TMEM200C: variants seen among roughly 807,000 people sequenced by gnomAD.
The protein encoded by TMEM200C is transmembrane protein TTMA.
For missense variants in TMEM200C, 966 were observed against 699.9 expected (o/e 1.38, Z -4.29); for synonymous variants, 462 against 324.7 (o/e 1.42, Z -4.55).
chr18:5,891,258 G>A lies in TMEM200C; in HGVS notation c.806C>T (p.Ser269Phe). 1 of 1,395,126 alleles carries A rather than the reference G, an allele frequency of 7.2e-7. No homozygotes were observed. Among genetic ancestry groups the A allele is most frequent in the Non-Finnish European group, 9.3e-7 (1 of 1,070,636 alleles). The allele number at this position is 1,395,126 out of a possible 1,614,324, so 86.4% of individuals were successfully genotyped here. A position where few individuals can be genotyped will look rare whatever the true frequency, so the allele number is the denominator to read the frequency against. The change falls in exon 3 of 3, where the codon TCC (serine) becomes TTC (phenylalanine). Residue 269 changes from serine to phenylalanine, a missense_variant. Physicochemically the swap from Ser to Phe is radical, Grantham distance 155. Coordinates refer to ENST00000581347, the Ensembl canonical transcript of TMEM200C. This position sits in a 1 kb window ranked among gnomAD's most constrained non-coding sequence, Gnocchi z 4.7. ...CGCCGCCGCTCCGAAGGCGTCCCCGGAGCCACCGCAGCCCCCGGGCTTCAG... is the reference window on the plus strand; with the variant it reads ...CGCCGCCGCTCCGAAGGCGTCCCCGAAGCCACCGCAGCCCCCGGGCTTCAG...
At chr18:5,882,817 A>G (rs1201632965) in exon 3 of TMEM200C, 3 of 152,164 alleles carry the variant, frequency 2.0e-5, no homozygotes, top group African/African-American at 7.2e-5. Flanking sequence ...ATAAAACTAG[A>G]AATACAAAGA....
chr18:5,892,121 G>T (rs1431407429), exon 3 of TMEM200C: 2 of 1,489,590 alleles, frequency 1.3e-6, no homozygotes, highest in Non-Finnish European at 9.1e-7. Flanking sequence ...CAGGGAGGGC[G>T]CCAACTGCCC....
At chr18:5,890,045 G>T in exon 3 of TMEM200C, 1 of 654,312 alleles carries the variant, frequency 1.5e-6, no homozygotes, top group African/African-American at 1.8e-5. Context: ...GGAATCTTGT[G>T]GACGCAATTC....
rs1037657956 is a variant in TMEM200C at position 5,890,488 on chromosome 18, G to A, written c.1576C>T (p.Gln526Ter). 6.5e-7 allele frequency: 1 copy of A among 1,549,616 alleles called. No individual in the cohort carries two copies. Among genetic ancestry groups the A allele is most frequent in the East Asian group, 2.4e-5 (1 of 41,822 alleles). The change falls in exon 3 of 3, where the codon CAG becomes TAG. Residue 526 changes from glutamine to a stop codon, truncating the protein, a stop_gained. Coordinates refer to ENST00000581347, the Ensembl canonical transcript of TMEM200C. LOFTEE classifies it low-confidence loss of function (END_TRUNC). ...TTGCTGCTGGATGGGTCATCCGACT[G>A]GGAGCTCCCGGAGTCCCGCCTGGTG... is the stretch of plus-strand genomic sequence containing the variant.
exon 2 of TMEM200C, chr18:5,895,157 G>T (rs558984328): frequency 6.6e-6 from 1 of 151,998 alleles, no homozygotes; most frequent in African/African-American, 2.4e-5. Context: ...CCCCGCATCC[G>T]AGCGCGACTC....
At chr18:5,885,146 CA>C (rs1159919170) in exon 3 of TMEM200C, 1 of 152,056 alleles carries the variant, frequency 6.6e-6, no homozygotes, top group Non-Finnish European at 1.5e-5. Context: ...CTTTATGAAA[CA>C]AAAAGCTTCC....
At position 5,891,617 on chromosome 18, in the gene TMEM200C, C is replaced by T; in HGVS notation, c.447G>A (p.Val149=). 1 of 1,613,832 alleles carries T rather than the reference C, an allele frequency of 6.2e-7. No individual in the cohort carries two copies. Among genetic ancestry groups the T allele is most frequent in the Non-Finnish European group, 8.5e-7 (1 of 1,179,844 alleles). The change falls in exon 3 of 3, where the codon GTG becomes GTA. Residue 149 remains valine (V), a synonymous_variant. Coordinates refer to ENST00000581347, the Ensembl canonical transcript of TMEM200C. This position sits in a 1 kb window ranked among gnomAD's most constrained non-coding sequence, Gnocchi z 4.7. ...CAGAGAAGATGCGGAAGAAGAAGCC[C>T]ACGGACGTGGAGGAGGAGGACGGGG... is the stretch of plus-strand genomic sequence containing the variant.
rs1170073933 is a variant in TMEM200C at position 5,891,406 on chromosome 18, C to G, written c.658G>C (p.Ala220Pro). The G allele has an allele frequency of 1.5e-6, 2 of 1,375,986 alleles. No homozygotes were observed. The highest frequency in any genetic ancestry group is 1.9e-6 in the Non-Finnish European group (2 of 1,068,088). The allele number at this position is 1,375,986 out of a possible 1,614,324, so 85.2% of individuals were successfully genotyped here. Residue 220 changes from alanine (A) to proline (P), a missense_variant, in exon 3 of 3, where the codon GCC becomes CCC. Physicochemically the swap from Ala to Pro is conservative, Grantham distance 27. Transcript: ENST00000581347. This position sits in a 1 kb window ranked among gnomAD's most constrained non-coding sequence, Gnocchi z 4.7. Reference sequence around the variant, plus strand: ...GCGGCCGCGGCGGCGGCCGCGGCGGCCGCCAGGTCTTTGGCGCGGAGGCTG... The same window carrying G: ...GCGGCCGCGGCGGCGGCCGCGGCGGGCGCCAGGTCTTTGGCGCGGAGGCTG...
chr18:5,891,373 A>AGGCGGC lies in TMEM200C; in HGVS notation c.685_690dup (p.Ala229_Ala230dup). The AGGCGGC allele has an allele frequency of 7.5e-7, 1 of 1,340,880 alleles. No individual in the cohort carries two copies. The highest frequency in any genetic ancestry group is 9.5e-7 in the Non-Finnish European group (1 of 1,053,168). The allele number at this position is 1,340,880 out of a possible 1,614,324, so 83.1% of individuals were successfully genotyped here. On this transcript the variant is annotated inframe_insertion, in exon 3 of 3. Transcript: ENST00000581347. This position sits in a 1 kb window ranked among gnomAD's most constrained non-coding sequence, Gnocchi z 4.7. ...GCGGCGGGGGCAGACGACGACGAAG[A>AGGCGGC]GGCGGCGGCGGCCGCGGCGGCGGCC...
exon 3 of TMEM200C, chr18:5,890,580 G>A: frequency 5.4e-6 from 7 of 1,294,698 alleles, no homozygotes; most frequent in Non-Finnish European, 6.9e-6. Context: ...GCTGGAGTCC[G>A]GGTCCGCACT....
In TMEM200C at chr18:5,891,577, C is replaced by G. The variant is rs1377482620; in HGVS notation, c.487G>C (p.Asp163His). 1 of 1,613,770 alleles carries G rather than the reference C, an allele frequency of 6.2e-7. No homozygotes were observed. The highest frequency in any genetic ancestry group is 8.5e-7 in the Non-Finnish European group (1 of 1,179,836). Residue 163 changes from aspartate (D) to histidine (H), a missense_variant, in exon 3 of 3, where the codon GAC (aspartate) becomes CAC (histidine). Coordinates refer to ENST00000581347, the Ensembl canonical transcript of TMEM200C. The surrounding 1 kb of genome is among the most constrained non-coding windows in gnomAD (Gnocchi z 4.7). ...AGGGGCCCGAAGACCTTGAGCTTGT[C>G]AGAGTGCAGGTAGCCAGAGAAGATG...
In TMEM200C at chr18:5,891,239, C is replaced by T; in HGVS notation, c.825G>A (p.Ala275=). Residue 275 remains alanine, a synonymous_variant, in exon 3 of 3, where the codon GCG becomes GCA. Coordinates refer to ENST00000581347, the Ensembl canonical transcript of TMEM200C. The surrounding 1 kb of genome is among the most constrained non-coding windows in gnomAD (Gnocchi z 4.7). ...ACGAGCCCTTGGCCAGCATCGCCGCCGCTCCGAAGGCGTCCCCGGAGCCAC... is the reference window on the plus strand; with the variant it reads ...ACGAGCCCTTGGCCAGCATCGCCGCTGCTCCGAAGGCGTCCCCGGAGCCAC... 3 of 1,346,916 alleles carry T rather than the reference C, an allele frequency of 2.2e-6. No individual in the cohort carries two copies. The highest frequency in any genetic ancestry group is 1.5e-5 in the African/African-American group (1 of 65,436). 83.4% of individuals were successfully genotyped at this position (1,346,916 alleles called of 1,614,324 possible). A position where few individuals can be genotyped will look rare whatever the true frequency, so the allele number is the denominator to read the frequency against.
intron 1 of TMEM200C, 52 bp from the exon 1 acceptor site, chr18:5,895,574 G>GCCCCCCGCCCCA (rs2095175390): frequency 2.3e-5 from 1 of 43,398 alleles, no homozygotes; most frequent in Non-Finnish European, 5.4e-5. Flanking sequence ...CCCCGCCCCC[G>GCCCCCCGCCCCA]CCCCCCGCCC....
chr18:5,895,599 G>GC (rs2095175445), intron 1 of TMEM200C, 77 bp from the exon 1 acceptor site: 1 of 90,638 alleles, frequency 1.1e-5, no homozygotes, highest in Non-Finnish European at 2.3e-5. Context: ...CCCTCCTCCG[G>GC]CGCCCCCCCC....
At position 5,891,246 on chromosome 18, in the gene TMEM200C, A is replaced by G; in HGVS notation, c.818T>C (p.Phe273Ser). The G allele has an allele frequency of 7.3e-7, 1 of 1,367,296 alleles. No individual in the cohort carries two copies. The highest frequency in any genetic ancestry group is 1.6e-5 in the South Asian group (1 of 62,648). 84.7% of individuals were successfully genotyped at this position (1,367,296 alleles called of 1,614,324 possible). Residue 273 changes from phenylalanine to serine, a missense_variant, in exon 3 of 3, where the codon TTC becomes TCC. Phe to Ser is a radical substitution (Grantham distance 155). Coordinates refer to ENST00000581347, the Ensembl canonical transcript of TMEM200C. The surrounding 1 kb of genome is among the most constrained non-coding windows in gnomAD (Gnocchi z 4.7). The stretch of plus-strand genomic sequence containing the variant: ...CTTGGCCAGCATCGCCGCCGCTCCG[A>G]AGGCGTCCCCGGAGCCACCGCAGCC...
intron 2 of TMEM200C, among the ~76,000 whole-genome samples, chr18:5,893,341 AG>A (rs1469663755): frequency 2.0e-5 from 3 of 152,146 alleles, no homozygotes; most frequent in Non-Finnish European, 4.4e-5. Context: ...ATTTTTAGGA[AG>A]GGAGGGTGGC....
At chr18:5,894,642 G>A (rs2095174181) in intron 2 of TMEM200C, among the ~76,000 whole-genome samples, 1 of 152,222 alleles carries the variant, frequency 6.6e-6, no homozygotes, top group Admixed American at 6.5e-5. Context: ...GAGGCTCGGA[G>A]GCTCGGATCC....
chr18:5,892,894 C>T (rs1450387883), intron 2 of TMEM200C, among the ~76,000 whole-genome samples: 1 of 152,168 alleles, frequency 6.6e-6, no homozygotes, highest in Non-Finnish European at 1.5e-5. Flanking sequence ...AGGCAGATCC[C>T]TTGCACAGCC....
At position 5,891,394 on chromosome 18, in the gene TMEM200C, CGG is replaced by C; in HGVS notation, c.668_669del (p.Ala223GlyfsTer125). On this transcript the variant is annotated frameshift_variant, in exon 3 of 3. Transcript: ENST00000581347. LOFTEE classifies it low-confidence loss of function (END_TRUNC). The surrounding 1 kb of genome is among the most constrained non-coding windows in gnomAD (Gnocchi z 4.7). Reference sequence around the variant, plus strand: ...GAAGAGGCGGCGGCGGCCGCGGCGGCGGCCGCGGCGGCCGCCAGGTCTTTGGC... The same window carrying C: ...GAAGAGGCGGCGGCGGCCGCGGCGGCCCGCGGCGGCCGCCAGGTCTTTGGC... 7.6e-7 allele frequency: 1 copy of C among 1,321,958 alleles called. No individual in the cohort carries two copies. Among genetic ancestry groups the C allele is most frequent in the South Asian group, 2.1e-5 (1 of 47,842 alleles). The allele number at this position is 1,321,958 out of a possible 1,614,324, so 81.9% of individuals were successfully genotyped here.
Sources: allele counts gnomAD v4.1 joint callset (sites outside exome capture counted in the v4.1 genomes callset), GRCh38; gene constraint gnomAD v4.1.1; non-coding constraint Gnocchi (gnomAD v3.1); transcripts MANE v1.5; gene names NCBI Gene and HGNC (gene_info 2026-07-23, HGNC 2026-07-21).